The following MICAL2 variants were observed in gnomAD, a reference collection of about 807,000 sequenced individuals.
The protein encoded by MICAL2 is microtubule associated monooxygenase, calponin and LIM domain containing 2, also known as [F-actin]-monooxygenase MICAL2.
Under a neutral mutation model 127.3 loss-of-function variants are expected in MICAL2, and 77 were observed. The observed-to-expected ratio is 0.60, with a 90% CI of 0.50 to 0.73. MICAL2 has a LOEUF of 0.73. Ranked by LOEUF, MICAL2 falls within the 30% of genes least tolerant of loss-of-function variation. The pLI is 0.00. For missense variants in MICAL2, 1,351 were observed against 1,434.4 expected (o/e 0.94, Z 0.94); for synonymous variants, 570 against 551.1 (o/e 1.03, Z -0.48).
chr11:12,124,126 C>G (rs1033695667), intron 1 of MICAL2, among the ~76,000 whole-genome samples: 2 of 152,114 alleles, frequency 1.3e-5, no homozygotes, highest in Non-Finnish European at 2.9e-5. Flanking sequence ...TTTGCTCCTG[C>G]TTGATTCAGA....
chr11:12,296,813 T>C (rs1471215701), downstream of MICAL2, among the ~76,000 whole-genome samples: 1 of 152,068 alleles, frequency 6.6e-6, no homozygotes, highest in Non-Finnish European at 1.5e-5. Flanking sequence ...GGCAGCATGC[T>C]GTGTGCACTT....
intron 18 of MICAL2, 57 bp from the exon 19 acceptor site, chr11:12,242,157 G>T: frequency 7.1e-7 from 1 of 1,413,142 alleles, no homozygotes; most frequent in Non-Finnish European, 9.6e-7. Flanking sequence ...CCCTCATGGT[G>T]AGGGTGTATG....
intron 3 of MICAL2, among the ~76,000 whole-genome samples, chr11:12,200,463 C>T (rs986370660): frequency 1.3e-5 from 2 of 152,200 alleles, no homozygotes; most frequent in African/African-American, 4.8e-5. Flanking sequence ...TGCCCGGGCA[C>T]GTGGCTGCCA....
At chr11:12,300,131 C>A (rs1342825583) in intron 29 of MICAL2, among the ~76,000 whole-genome samples, 4 of 152,002 alleles carry the variant, frequency 2.6e-5, no homozygotes, top group Admixed American at 1.3e-4. Flanking sequence ...CACGTCTCTA[C>A]TAAAAATACA....
At chr11:12,196,416 T>G (rs1859933211) in intron 3 of MICAL2, among the ~76,000 whole-genome samples, 1 of 152,182 alleles carries the variant, frequency 6.6e-6, no homozygotes, top group Non-Finnish European at 1.5e-5. Context: ...TATTCAGGGT[T>G]GAGCACCATC....
chr11:12,142,726 T>C (rs1339138073), intron 2 of MICAL2, among the ~76,000 whole-genome samples: 2 of 152,224 alleles, frequency 1.3e-5, no homozygotes, highest in Non-Finnish European at 2.9e-5. Flanking sequence ...TCATAGCAGC[T>C]CTCTGAGAGA....
chr11:12,203,342 A>G (rs1317697588), intron 3 of MICAL2, among the ~76,000 whole-genome samples: 2 of 152,216 alleles, frequency 1.3e-5, no homozygotes, highest in Non-Finnish European at 2.9e-5. Flanking sequence ...GAATGGCCAC[A>G]CTGTTTTCAT....
At chr11:12,295,266 A>C (rs1863971704), downstream of MICAL2, among the ~76,000 whole-genome samples, 1 of 151,640 alleles carries the variant, frequency 6.6e-6, no homozygotes, top group African/African-American at 2.4e-5. Context: ...CAGCCTCCCA[A>C]GTAGCTGGGA....
chr11:12,294,292 C>T (rs753820254), downstream of MICAL2: 3 of 1,614,170 alleles, frequency 1.9e-6, no homozygotes, highest in East Asian at 6.7e-5. Context: ...TCCTTTCCAA[C>T]TCTGAAGGCG....
At position 12,227,024 on chromosome 11, in the gene MICAL2, G is replaced by A; in HGVS notation, c.1889-1G>A. 3 of 1,612,920 alleles carry A rather than the reference G, an allele frequency of 1.9e-6. No individual in the cohort carries two copies. Among genetic ancestry groups the A allele is most frequent in the Admixed American group, 1.7e-5 (1 of 59,994 alleles). On this transcript the variant is annotated splice_acceptor_variant, in intron 14 of 27. Coordinates refer to ENST00000683283, the MANE Select transcript of MICAL2 (RefSeq NM_001282663.2). LOFTEE classifies it high-confidence loss of function. ...CACAGTTGCGCTTTATTTCCCAACA[G>A]ATTCTTGGCGCAAAAACTATGGAGA...
intron 29 of MICAL2, among the ~76,000 whole-genome samples, chr11:12,305,906 T>A (rs1864104447): frequency 6.6e-6 from 1 of 151,752 alleles, no homozygotes; most frequent in African/African-American, 2.4e-5. Context: ...TTTAATTGAT[T>A]AAAGACGTTT....
chr11:12,125,656 A>C (rs566426333), intron 1 of MICAL2, among the ~76,000 whole-genome samples: 1 of 152,326 alleles, frequency 6.6e-6, no homozygotes, highest in Non-Finnish European at 1.5e-5. Context: ...CTAGTCTGCT[A>C]TCAGTTAATG....
chr11:12,250,646 C>A (rs983549145), intron 22 of MICAL2, among the ~76,000 whole-genome samples: 1 of 152,172 alleles, frequency 6.6e-6, no homozygotes, highest in Non-Finnish European at 1.5e-5. Context: ...TAATGAAAAG[C>A]ACCTAAATTC....
At chr11:12,319,601 A>C in intron 29 of MICAL2, 7 of 862,024 alleles carry the variant, frequency 8.1e-6, no homozygotes, top group Non-Finnish European at 1.4e-5. Context: ...GAGGAAGGGA[A>C]TGAGAGTAAG....
In MICAL2 at chr11:12,330,822, G is replaced by GAGAGAGAGAGAGA. The variant is rs1555022632; in HGVS notation, c.5515+3556_5515+3557insAGAGAGAGAGAGA. Among the ~76,000 whole-genome samples, 17 of 129,608 alleles carry GAGAGAGAGAGAGA rather than the reference G, an allele frequency of 1.3e-4. 1 individual carries two copies. Among genetic ancestry groups the GAGAGAGAGAGAGA allele is most frequent in the East Asian group, 2.4e-4 (1 of 4,234 alleles). The allele number at this position is 129,608 out of a possible 152,430, so 85.0% of individuals were successfully genotyped here. On this transcript the variant is annotated intron_variant, in intron 32 of 34. Transcript: ENST00000646065. ...GAGAGAGACAGAGAGAGAGAGAGAG[G>GAGAGAGAGAGAGA]GAGAGACAGACAGAGAGAGAGAGAG...
chr11:12,296,428 T>C (rs1174404659), downstream of MICAL2, among the ~76,000 whole-genome samples: 1 of 151,466 alleles, frequency 6.6e-6, no homozygotes, highest in Non-Finnish European at 1.5e-5. Context: ...AGTATAACTC[T>C]TAAACATGCA....
rs1238771025 is a variant in MICAL2 at position 12,327,342 on chromosome 11, G to T, written c.5515+76G>T. On this transcript the variant is annotated intron_variant, in intron 32 of 34. Coordinates refer to the MICAL2 transcript ENST00000646065. ...CTAGCGTAACCATCTGAGGAAAACA[G>T]ACCTTGTCACCTGCTGGAGATCTGT... The T allele has an allele frequency of 3.2e-6, 4 of 1,251,656 alleles. No individual in the cohort carries two copies. The East Asian group carries it at 7.6e-5, about 24-fold the overall frequency. The allele number at this position is 1,251,656 out of a possible 1,614,324, so 77.5% of individuals were successfully genotyped here.
chr11:12,186,876 G>T (rs1049687343), intron 3 of MICAL2, among the ~76,000 whole-genome samples: 4 of 152,216 alleles, frequency 2.6e-5, no homozygotes, highest in African/African-American at 9.6e-5. Context: ...AGCCAGATGG[G>T]GAGGCTGAGG....
chr11:12,211,755 T>C (rs1330081288), intron 6 of MICAL2, among the ~76,000 whole-genome samples: 2 of 152,036 alleles, frequency 1.3e-5, no homozygotes, highest in African/African-American at 2.4e-5. Flanking sequence ...AAAATAGACA[T>C]GGGGTTTTAT....
Sources: allele counts gnomAD v4.1 joint callset (sites outside exome capture counted in the v4.1 genomes callset), GRCh38; gene constraint gnomAD v4.1.1; transcripts MANE v1.5; gene names NCBI Gene and HGNC (gene_info 2026-07-23, HGNC 2026-07-21).